Variants in BEND5 observed in about 807,000 individuals in gnomAD.
The protein encoded by BEND5 is BEN domain containing 5.
BEND5 carries 22 observed loss-of-function variants against 43.9 expected under a neutral mutation model. The observed-to-expected ratio is 0.50, with a 90% CI of 0.36 to 0.72. The LOEUF is 0.72. BEND5 is among the 30% of genes least tolerant of loss of function. The probability of loss-of-function intolerance (pLI) is 0.00; values close to 1 mark genes in which losing one functional copy is unlikely to be tolerated. For synonymous variants in BEND5, 228 were observed against 225.9 expected, an observed-to-expected ratio of 1.01 and a Z score of -0.08; for missense variants, 428 against 550.6, an observed-to-expected ratio of 0.78 and a Z score of 2.23.
chr1:48,739,300 G>A (rs1649547474), intron 4 of BEND5, among the ~76,000 whole-genome samples: 1 of 152,192 alleles, frequency 6.6e-6, no homozygotes, highest in Non-Finnish European at 1.5e-5. Flanking sequence ...TATTTGACTA[G>A]ATGACTTCTG....
At chr1:48,737,159 C>T (rs2148579232) in intron 4 of BEND5, among the ~76,000 whole-genome samples, 1 of 152,216 alleles carries the variant, frequency 6.6e-6, no homozygotes, top group East Asian at 1.9e-4. Flanking sequence ...TGGCACGCAC[C>T]TGTAGTCCCA....
chr1:48,737,748 T>C (rs1215794730), intron 4 of BEND5, among the ~76,000 whole-genome samples: 1 of 152,134 alleles, frequency 6.6e-6, no homozygotes, highest in Non-Finnish European at 1.5e-5. Flanking sequence ...AAAAAGAGTA[T>C]AAAATTTAGA....
At chr1:48,753,712 G>C (rs1484412) in intron 3 of BEND5, among the ~76,000 whole-genome samples, 1 of 152,054 alleles carries the variant, frequency 6.6e-6, no homozygotes, top group East Asian at 1.9e-4. Flanking sequence ...TCTCTAAAAC[G>C]GAGATAATAA....
At chr1:48,754,469 A>G (rs1652221833) in intron 3 of BEND5, among the ~76,000 whole-genome samples, 1 of 152,206 alleles carries the variant, frequency 6.6e-6, no homozygotes, top group Non-Finnish European at 1.5e-5. Context: ...ATAAATAATG[A>G]ATGAAGGAAT....
rs767585722 is a variant in BEND5, at chr1:48,759,178, G to A, written c.467C>T (p.Pro156Leu). 1.8e-5 allele frequency: 29 copies of A among 1,613,836 alleles called. 1 individual carries two copies. The highest frequency in any genetic ancestry group is 7.7e-5 in the South Asian group (7 of 91,034). The part of the protein sequence containing the change: ...NGLSLGHSTC[P>L]EEVFVEASPG... ...CGAGGCCTCCACGAAGACCTCTTCCGGACACGTGCTATGGCCCAGGCTCAG... is the reference window on the plus strand; with the variant it reads ...CGAGGCCTCCACGAAGACCTCTTCCAGACACGTGCTATGGCCCAGGCTCAG... The change falls in exon 3 of 6, where the codon CCG (proline) becomes CTG (leucine). Residue 156 changes from proline (P) to leucine (L), a missense_variant. Pro to Leu is a moderately conservative substitution (Grantham distance 98, BLOSUM62 -3). Coordinates refer to ENST00000371833, the MANE Select transcript of BEND5 (RefSeq NM_024603.4).
intron 3 of BEND5, among the ~76,000 whole-genome samples, chr1:48,748,546 C>A (rs2148619151): frequency 6.6e-6 from 1 of 152,264 alleles, no homozygotes; most frequent in African/African-American, 2.4e-5. Context: ...AGGAAATCTT[C>A]ATAAGGACGG....
At chr1:48,735,750 A>G (rs1251034960) in intron 5 of BEND5, among the ~76,000 whole-genome samples, 1 of 152,074 alleles carries the variant, frequency 6.6e-6, no homozygotes, top group Non-Finnish European at 1.5e-5. Context: ...AGAACCACCA[A>G]GAACTGCGTC....
chr1:48,771,569 A>G (rs1179842654), intron 1 of BEND5, among the ~76,000 whole-genome samples: 1 of 152,236 alleles, frequency 6.6e-6, no homozygotes, highest in East Asian at 1.9e-4. Context: ...ACAGCAGGCA[A>G]TTTCCAATCT....
chr1:48,756,682 T>C (rs1643947510), intron 3 of BEND5, among the ~76,000 whole-genome samples: 1 of 152,252 alleles, frequency 6.6e-6, no homozygotes, highest in Non-Finnish European at 1.5e-5. Flanking sequence ...ATTTTATTCT[T>C]GCGGATTTGT....
At chr1:48,776,502 G>T in intron 1 of BEND5, 104 bp downstream of exon 1, 2 of 846,998 alleles carry the variant, frequency 2.4e-6, no homozygotes, top group Non-Finnish European at 3.3e-6. Context: ...GCAGGAAGGA[G>T]CAAGCAGTGG....
chr1:48,765,631 T>C (rs1644492773), intron 1 of BEND5, among the ~76,000 whole-genome samples: 1 of 152,188 alleles, frequency 6.6e-6, no homozygotes, highest in Admixed American at 6.5e-5. Flanking sequence ...CATAACAGCA[T>C]TATTCATTAA....
At chr1:48,760,949 A>G in intron 2 of BEND5, 1 of 163,950 alleles carries the variant, frequency 6.1e-6, no homozygotes, top group East Asian at 1.7e-4. Context: ...GTCCAGCCTT[A>G]GCTATCTGGG....
chr1:48,776,552 C>G (rs1433966555), intron 1 of BEND5, 54 bp downstream of exon 1: 1 of 1,303,058 alleles, frequency 7.7e-7, no homozygotes, highest in Non-Finnish European at 9.9e-7. Flanking sequence ...CGGCCCCTCC[C>G]GGGGTCCCAG....
chr1:48,759,219 T>C lies in BEND5; in HGVS notation c.426A>G (p.Leu142=), dbSNP rs1042186251. Residue 142 remains leucine (L), a synonymous_variant, in exon 3 of 6, where the codon CTA becomes CTG. Coordinates refer to ENST00000371833, the MANE Select transcript of BEND5 (RefSeq NM_024603.4). The stretch of plus-strand genomic sequence containing the variant: ...CCAGGCTCAGGCCGTTCTGCTTCTC[T>C]AGCCGAGCCACCACTGCCTCGATGC... ...HKSIEAVVAR[L]EKQNGLSLGH... is the part of the protein sequence containing the mutation. The C allele has an allele frequency of 2.7e-5, 43 of 1,604,042 alleles. No homozygotes were observed. The highest frequency in any genetic ancestry group is 3.3e-5 in the Non-Finnish European group (39 of 1,175,510).
At chr1:48,765,845 A>T (rs1244723121) in intron 1 of BEND5, among the ~76,000 whole-genome samples, 2 of 152,234 alleles carry the variant, frequency 1.3e-5, no homozygotes, top group African/African-American at 4.8e-5. Flanking sequence ...CATTTATATG[A>T]AATGTTCAGA....
At chr1:48,737,252 C>T (rs1285865990) in intron 4 of BEND5, among the ~76,000 whole-genome samples, 1 of 151,900 alleles carries the variant, frequency 6.6e-6, no homozygotes, top group African/African-American at 2.4e-5. Flanking sequence ...CCACTGCACT[C>T]CAGTCTGGGA....
chr1:48,733,661 G>A (rs1334424733), intron 5 of BEND5, among the ~76,000 whole-genome samples: 1 of 152,158 alleles, frequency 6.6e-6, no homozygotes, highest in Non-Finnish European at 1.5e-5. Context: ...CTACATTGCT[G>A]CACTGCTACA....
chr1:48,762,612 TTTTGTGTGTGTG>T (rs1347189849), intron 1 of BEND5, among the ~76,000 whole-genome samples: 1,547 of 127,980 alleles, frequency 0.012, 26 homozygotes, highest in African/African-American at 0.041. Context: ...TCTTTAAGGG[TTTTGTGTGTGTG>T]TGTGTGTGTG....
At chr1:48,743,681 T>C (rs1650285891) in intron 3 of BEND5, among the ~76,000 whole-genome samples, 1 of 152,232 alleles carries the variant, frequency 6.6e-6, no homozygotes, top group Non-Finnish European at 1.5e-5. Context: ...CATGTTAACT[T>C]AGGTAACAGA....
Sources: allele counts gnomAD v4.1 joint callset (sites outside exome capture counted in the v4.1 genomes callset), GRCh38; gene constraint gnomAD v4.1.1; transcripts MANE v1.5; gene names NCBI Gene and HGNC (gene_info 2026-07-23, HGNC 2026-07-21).